The following POLN variants were observed in gnomAD, a reference collection of about 807,000 sequenced individuals.
The protein encoded by POLN is DNA polymerase nu, also known as DNA polymerase N.
In POLN, 108 loss-of-function variants were observed where a neutral mutation model predicts 113.5. The observed-to-expected ratio is 0.95, with a 90% CI of 0.81 to 1.12. POLN has a LOEUF of 1.12. Among genes scored for constraint, POLN ranks in the 50% most tolerant of loss-of-function variants. The probability of loss-of-function intolerance (pLI) is 0.00; values close to 1 mark genes in which losing one functional copy is unlikely to be tolerated. For missense variants in POLN, 1,097 were observed against 1,077.1 expected (o/e 1.02, Z -0.26); for synonymous variants, 386 against 391.5 (o/e 0.99, Z 0.17).
At chr4:2,219,039 G>A (rs537594314) in intron 3 of POLN, among the ~76,000 whole-genome samples, 11 of 152,118 alleles carry the variant, frequency 7.2e-5, no homozygotes, top group South Asian at 2.1e-4. Context: ...CAGTTTCAGC[G>A]TCATCCACTT....
intron 8 of POLN, among the ~76,000 whole-genome samples, chr4:2,178,076 T>A (rs1269048804): frequency 6.6e-6 from 1 of 152,236 alleles, no homozygotes; most frequent in African/African-American, 2.4e-5. Flanking sequence ...AAAACCCTAT[T>A]GTTACAAATC....
intron 5 of POLN, among the ~76,000 whole-genome samples, chr4:2,202,089 C>A (rs1733729568): frequency 6.6e-6 from 1 of 152,064 alleles, no homozygotes; most frequent in Admixed American, 6.6e-5. Flanking sequence ...ATACATTTCA[C>A]AGGCCCTATA....
intron 3 of POLN, among the ~76,000 whole-genome samples, chr4:2,214,956 G>C (rs1445620297): frequency 6.6e-6 from 1 of 150,940 alleles, no homozygotes; most frequent in South Asian, 2.1e-4. Flanking sequence ...ATATATGAGA[G>C]ACAGAGTGCT....
At chr4:2,198,766 T>C (rs780106101) in intron 5 of POLN, 49 bp from the exon 6 acceptor site, 2 of 1,459,222 alleles carry the variant, frequency 1.4e-6, no homozygotes, top group South Asian at 1.3e-5. Context: ...ATATCTGTTG[T>C]AGAAAGACAT....
chr4:2,156,149 T>C (rs1386063272), intron 16 of POLN, among the ~76,000 whole-genome samples: 1 of 152,208 alleles, frequency 6.6e-6, no homozygotes, highest in Non-Finnish European at 1.5e-5. Flanking sequence ...TTGTATTTTA[T>C]AAATATATGT....
intron 7 of POLN, among the ~76,000 whole-genome samples, chr4:2,182,017 T>C (rs1302483333): frequency 6.9e-6 from 1 of 144,862 alleles, no homozygotes; most frequent in Non-Finnish European, 1.5e-5. Flanking sequence ...AAAAAAAAGA[T>C]GACTTTAAAC....
intron 19 of POLN, among the ~76,000 whole-genome samples, chr4:2,120,499 A>ATT (rs925442593): frequency 6.8e-6 from 1 of 146,588 alleles, no homozygotes. Context: ...CTATAGAGTG[A>ATT]TTTTTTTTTT....
chr4:2,174,772 A>G (rs549526598), intron 9 of POLN, 21 bp from the exon 10 acceptor site: 2 of 1,530,614 alleles, frequency 1.3e-6, no homozygotes, highest in South Asian at 2.3e-5. Flanking sequence ...GGAAGAAATA[A>G]CATCAACGTC....
At chr4:2,218,443 T>TAAAAA (rs577978110) in intron 3 of POLN, among the ~76,000 whole-genome samples, 50 of 146,204 alleles carry the variant, frequency 3.4e-4, no homozygotes, top group African/African-American at 9.3e-4. Context: ...GAAACTGCCT[T>TAAAAA]AAAAAAAAAA....
intron 9 of POLN, 133 bp downstream of exon 9, chr4:2,176,133 G>A (rs1244706222): frequency 2.7e-6 from 2 of 746,474 alleles, no homozygotes; most frequent in Non-Finnish European, 4.6e-6. Flanking sequence ...TCTGAGTAAT[G>A]CACAGGTTAA....
intron 3 of POLN, among the ~76,000 whole-genome samples, chr4:2,226,532 T>C (rs1734398615): frequency 6.6e-6 from 1 of 152,238 alleles, no homozygotes. Flanking sequence ...GGATGTTCTC[T>C]TACATTAATG....
At chr4:2,204,114 A>C (rs1733785462) in intron 5 of POLN, among the ~76,000 whole-genome samples, 1 of 137,306 alleles carries the variant, frequency 7.3e-6, no homozygotes, top group African/African-American at 2.6e-5. Flanking sequence ...TATCACAAAA[A>C]AAAAAAAAAA....
At chr4:2,234,888 A>T (rs936348707) in intron 2 of POLN, among the ~76,000 whole-genome samples, 2 of 152,066 alleles carry the variant, frequency 1.3e-5, no homozygotes, top group African/African-American at 4.8e-5. Context: ...TACATGGAGA[A>T]ATTTTCTTCT....
Position 2,143,280 on chromosome 4 carries a change from C to A in POLN, c.1732-11990G>T, listed in dbSNP as rs538162966. On this transcript the variant is annotated intron_variant, in intron 16 of 25. Transcript: ENST00000511885. ...TAGTAGAGAAAATCAATGAAAAGAT[C>A]AATAAAATTGACAAAACTCTCAGTA... 5.9e-5 allele frequency among the ~76,000 whole-genome samples: 9 copies of A among 151,568 alleles called. No homozygotes were observed. In the South Asian group the frequency reaches 1.7e-3, roughly 28 times the overall value.
At chr4:2,170,983 A>G in intron 12 of POLN, 115 bp downstream of exon 12, 1 of 1,048,650 alleles carries the variant, frequency 9.5e-7, no homozygotes, top group Admixed American at 2.5e-5. Flanking sequence ...GAGAACATGA[A>G]AAACTTACTT....
chr4:2,092,998 C>G (rs1439983644), intron 20 of POLN, among the ~76,000 whole-genome samples: 1 of 152,214 alleles, frequency 6.6e-6, no homozygotes, highest in Non-Finnish European at 1.5e-5. Flanking sequence ...GGTGGGAACC[C>G]TTGTCACTGT....
intron 3 of POLN, among the ~76,000 whole-genome samples, chr4:2,217,524 C>A (rs1227007453): frequency 6.6e-6 from 1 of 152,388 alleles, no homozygotes; most frequent in Non-Finnish European, 1.5e-5. Context: ...CTCAGTGGGT[C>A]TGACAGAACC....
intron 19 of POLN, among the ~76,000 whole-genome samples, chr4:2,104,790 T>C (rs1035961527): frequency 6.6e-6 from 1 of 152,184 alleles, no homozygotes; most frequent in Non-Finnish European, 1.5e-5. Flanking sequence ...AAGAGCCCCA[T>C]GAATAGACTG....
At chr4:2,175,785 G>C (rs760034650) in intron 9 of POLN, among the ~76,000 whole-genome samples, 1 of 152,192 alleles carries the variant, frequency 6.6e-6, no homozygotes, top group Non-Finnish European at 1.5e-5. Flanking sequence ...TGGGGCATAG[G>C]GGGCAGGAGG....
Sources: gnomAD v4.1 joint callset for allele counts (sites outside exome capture counted in the v4.1 genomes callset) on GRCh38, gnomAD v4.1.1 for gene constraint, MANE v1.5 for transcripts, NCBI Gene and HGNC (gene_info 2026-07-23, HGNC 2026-07-21) for gene names.